MTA3: variants seen among roughly 807,000 people sequenced by gnomAD.
The protein encoded by MTA3 is metastasis associated 1 family member 3, also known as metastasis-associated protein MTA3.
In MTA3, 34 loss-of-function variants were observed where a neutral mutation model predicts 83.5. The ratio of observed to expected loss-of-function variants is 0.41; its 90% CI spans 0.31 to 0.54. MTA3 has a LOEUF of 0.54. MTA3 is among the 20% of genes least tolerant of loss of function. MTA3 has a pLI of 0.33. For synonymous variants in MTA3, 303 were observed against 252.7 expected, an observed-to-expected ratio of 1.20 and a Z score of -1.89; for missense variants, 761 against 726.4, an observed-to-expected ratio of 1.05 and a Z score of -0.55.
chr2:42,572,261 A>G (rs976330862), intron 2 of MTA3, among the ~76,000 whole-genome samples: 9 of 152,026 alleles, frequency 5.9e-5, no homozygotes, highest in African/African-American at 2.2e-4. Flanking sequence ...CCTGGGTGAC[A>G]GAGTGAGACT....
intron 2 of MTA3, among the ~76,000 whole-genome samples, chr2:42,505,768 T>TC (rs1674601468): frequency 8.1e-6 from 1 of 124,014 alleles, no homozygotes; most frequent in Admixed American, 9.1e-5. Flanking sequence ...CACAAATTGA[T>TC]AATTTTTTTT....
chr2:42,566,071 T>C (rs779055399), upstream of MTA3, among the ~76,000 whole-genome samples: 1 of 152,208 alleles, frequency 6.6e-6, no homozygotes, highest in Non-Finnish European at 1.5e-5. Context: ...AGTCATATTT[T>C]GTAACCCCTC....
At chr2:42,731,263 C>A (rs1032691909) in intron 16 of MTA3, among the ~76,000 whole-genome samples, 2 of 152,002 alleles carry the variant, frequency 1.3e-5, no homozygotes, top group East Asian at 3.8e-4. Context: ...TTTGCTTTTG[C>A]TTTCCTAGTT....
intron 2 of MTA3, among the ~76,000 whole-genome samples, chr2:42,552,139 C>T (rs941565023): frequency 2.0e-5 from 3 of 152,112 alleles, no homozygotes; most frequent in Non-Finnish European, 4.4e-5. Flanking sequence ...TGTATTTGAG[C>T]TGTCAAGCCG....
intron 2 of MTA3, among the ~76,000 whole-genome samples, chr2:42,548,859 A>ATT (rs1449124929): frequency 4.5e-5 from 1 of 22,032 alleles, no homozygotes. Context: ...ATATATATAT[A>ATT]ATATATATAT....
chr2:42,600,931 G>C (rs1330714371), intron 3 of MTA3, among the ~76,000 whole-genome samples: 2 of 151,862 alleles, frequency 1.3e-5, no homozygotes, highest in Non-Finnish European at 2.9e-5. Context: ...TTTTGAGATG[G>C]AGTCATGTTC....
intron 15 of MTA3, among the ~76,000 whole-genome samples, chr2:42,719,933 C>T (rs892165298): frequency 2.0e-5 from 3 of 152,122 alleles, no homozygotes; most frequent in Non-Finnish European, 4.4e-5. Context: ...TGTTTTTGTG[C>T]TTCTCATAGT....
intron 2 of MTA3, among the ~76,000 whole-genome samples, chr2:42,515,040 T>C (rs1675077564): frequency 6.6e-6 from 1 of 151,650 alleles, no homozygotes; most frequent in Non-Finnish European, 1.5e-5. Context: ...TTATTTTATT[T>C]TATTTTATTT....
At chr2:42,580,453 C>T (rs896168813) in intron 3 of MTA3, among the ~76,000 whole-genome samples, 4 of 151,976 alleles carry the variant, frequency 2.6e-5, no homozygotes, top group African/African-American at 9.7e-5. Flanking sequence ...CTCACTGCAA[C>T]CTCCGCCTTC....
chr2:42,673,929 G>T (rs1255898433), intron 8 of MTA3, among the ~76,000 whole-genome samples: 3 of 152,210 alleles, frequency 2.0e-5, no homozygotes, highest in Non-Finnish European at 2.9e-5. Context: ...TAGTCTCAAA[G>T]AGGAAAACAC....
intron 2 of MTA3, among the ~76,000 whole-genome samples, chr2:42,551,393 G>T (rs1287197185): frequency 6.6e-6 from 1 of 151,884 alleles, no homozygotes; most frequent in Non-Finnish European, 1.5e-5. Context: ...GTTTCACCAC[G>T]TTGGCCACCC....
chr2:42,635,499 G>A (rs1339208881), intron 4 of MTA3, among the ~76,000 whole-genome samples: 1 of 151,952 alleles, frequency 6.6e-6, no homozygotes, highest in African/African-American at 2.4e-5. Context: ...GTGATGGTGG[G>A]CATCTGTAAT....
intron 11 of MTA3, among the ~76,000 whole-genome samples, chr2:42,699,529 C>G (rs546693953): frequency 2.6e-5 from 4 of 152,254 alleles, no homozygotes; most frequent in African/African-American, 4.8e-5. Flanking sequence ...AGAGTAGATG[C>G]AGAGGGACCA....
chr2:42,678,007 A>C (rs1293248609), intron 8 of MTA3, among the ~76,000 whole-genome samples: 2 of 152,214 alleles, frequency 1.3e-5, no homozygotes, highest in African/African-American at 4.8e-5. Context: ...TGTACAATGG[A>C]GTTGATGTAG....
intron 4 of MTA3, among the ~76,000 whole-genome samples, chr2:42,632,453 C>T (rs921818836): frequency 1.3e-5 from 2 of 152,106 alleles, no homozygotes; most frequent in African/African-American, 4.8e-5. Context: ...TGTTGTGGAA[C>T]CTCTGAGAGA....
At chr2:42,584,398 C>G (rs1680024200) in intron 3 of MTA3, among the ~76,000 whole-genome samples, 3 of 152,084 alleles carry the variant, frequency 2.0e-5, no homozygotes, top group African/African-American at 7.2e-5. Context: ...TTAAAGTGTC[C>G]AAGTGTATAA....
intron 2 of MTA3, among the ~76,000 whole-genome samples, chr2:42,498,654 A>G (rs1674257429): frequency 6.6e-6 from 1 of 152,132 alleles, no homozygotes; most frequent in African/African-American, 2.4e-5. Context: ...CTTTATGTCA[A>G]CAGGTGAACT....
chr2:42,503,166 G>A (rs1674477034), intron 2 of MTA3, among the ~76,000 whole-genome samples: 1 of 152,156 alleles, frequency 6.6e-6, no homozygotes, highest in South Asian at 2.1e-4. Context: ...GCTGCTGGTT[G>A]CCCATTTTTA....
chr2:42,544,473 C>CAA (rs200667321), intron 2 of MTA3, among the ~76,000 whole-genome samples: 1 of 131,554 alleles, frequency 7.6e-6, no homozygotes, highest in Middle Eastern at 3.6e-3. Flanking sequence ...AAAACAAAAA[C>CAA]AAAAAAAAAA....
Sources: gnomAD v4.1 joint callset for allele counts (sites outside exome capture counted in the v4.1 genomes callset) on GRCh38, gnomAD v4.1.1 for gene constraint, MANE v1.5 for transcripts, NCBI Gene and HGNC (gene_info 2026-07-23, HGNC 2026-07-21) for gene names.